The following NKIRAS1 variants were observed in gnomAD, a reference collection of about 807,000 sequenced individuals.
NKIRAS1 encodes NFKB inhibitor interacting Ras like 1, also known as NF-kappa-B inhibitor-interacting Ras-like protein 1.
NKIRAS1 carries 16 observed loss-of-function variants against 19.8 expected under a neutral mutation model. The observed-to-expected ratio is 0.81, with a 90% CI of 0.55 to 1.23. The LOEUF (loss-of-function observed/expected upper bound fraction) is 1.23, where lower values mean the gene tolerates loss of function less well. Among genes scored for constraint, NKIRAS1 ranks in the 50% most tolerant of loss-of-function variants. The probability of loss-of-function intolerance (pLI) is 0.00; values close to 1 mark genes in which losing one functional copy is unlikely to be tolerated. For missense variants in NKIRAS1, 184 were observed against 220.0 expected (o/e 0.84, Z 1.04); for synonymous variants, 88 against 79.0 (o/e 1.11, Z -0.61).
At chr3:23,943,472 C>A (rs1214027683) in intron 1 of NKIRAS1, among the ~76,000 whole-genome samples, 1 of 152,240 alleles carries the variant, frequency 6.6e-6, no homozygotes, top group Non-Finnish European at 1.5e-5. Context: ...CTCAGGTGAT[C>A]CACCCGCCTT....
chr3:23,894,030 G>C (rs1345299090), intron 4 of NKIRAS1, among the ~76,000 whole-genome samples: 1 of 152,140 alleles, frequency 6.6e-6, no homozygotes, highest in African/African-American at 2.4e-5. Context: ...GTATCCATGA[G>C]AACAGGAATT....
chr3:23,913,707 A>T (rs1161865897), intron 1 of NKIRAS1, among the ~76,000 whole-genome samples: 3 of 152,240 alleles, frequency 2.0e-5, no homozygotes, highest in Admixed American at 2.0e-4. Context: ...AATAATTCCC[A>T]AACACAATAA....
chr3:23,942,470 T>A (rs1222314558), intron 1 of NKIRAS1, among the ~76,000 whole-genome samples: 1 of 152,226 alleles, frequency 6.6e-6, no homozygotes, highest in African/African-American at 2.4e-5. Context: ...TTGCTCTTGT[T>A]GCCCAGGCTG....
At chr3:23,918,990 T>C (rs1704898649), upstream of NKIRAS1, 4 of 591,588 alleles carry the variant, frequency 6.8e-6, no homozygotes, top group Non-Finnish European at 1.2e-5. Context: ...GAGGGAATGA[T>C]GTGTTTCAGT....
upstream of NKIRAS1, chr3:23,918,764 A>G (rs1478499026): frequency 2.3e-5 from 16 of 688,564 alleles, no homozygotes; most frequent in Middle Eastern, 3.3e-4. Context: ...GCGTGTGTAT[A>G]TACTGGAAGT....
At chr3:23,941,149 T>C (rs1434070549) in intron 1 of NKIRAS1, among the ~76,000 whole-genome samples, 1 of 152,212 alleles carries the variant, frequency 6.6e-6, no homozygotes, top group East Asian at 1.9e-4. Context: ...CTAGCAGGAC[T>C]CATTGGAACA....
chr3:23,919,541 T>G (rs1323108774), upstream of NKIRAS1: 5 of 1,485,608 alleles, frequency 3.4e-6, no homozygotes, highest in East Asian at 2.4e-5. Flanking sequence ...AATAAACAAT[T>G]TAGGACAGTC....
chr3:23,934,782 T>C (rs1402356221), intron 1 of NKIRAS1, among the ~76,000 whole-genome samples: 2 of 152,064 alleles, frequency 1.3e-5, no homozygotes, highest in Non-Finnish European at 2.9e-5. Context: ...AAAGCCTTTT[T>C]CAGAGGTATT....
intron 3 of NKIRAS1, among the ~76,000 whole-genome samples, chr3:23,902,068 C>T (rs1196514377): frequency 3.3e-5 from 5 of 151,816 alleles, no homozygotes; most frequent in African/African-American, 4.8e-5. Context: ...AGCAAGACTC[C>T]GTCTCAAAAA....
chr3:23,908,499 A>AT (rs1230153103), intron 3 of NKIRAS1, among the ~76,000 whole-genome samples: 2 of 152,230 alleles, frequency 1.3e-5, no homozygotes, highest in Admixed American at 6.5e-5. Context: ...GGCAAGTGTT[A>AT]ATAGATATGA....
upstream of NKIRAS1, chr3:23,918,085 G>A (rs1360084181): frequency 1.0e-5 from 16 of 1,569,480 alleles, no homozygotes; most frequent in Non-Finnish European, 1.3e-5. Context: ...AGAAAAGTTG[G>A]AAACCAGCTG....
intron 1 of NKIRAS1, among the ~76,000 whole-genome samples, chr3:23,936,636 TC>T (rs1705398366): frequency 6.6e-6 from 1 of 152,022 alleles, no homozygotes; most frequent in Non-Finnish European, 1.5e-5. Context: ...AACCTCTACC[TC>T]CTGGGTTCAA....
intron 3 of NKIRAS1, among the ~76,000 whole-genome samples, chr3:23,910,428 T>C (rs1032950504): frequency 1.3e-5 from 2 of 152,204 alleles, no homozygotes; most frequent in Admixed American, 6.5e-5. Flanking sequence ...GTGCTGGAAT[T>C]ACAGGCCTGA....
intron 1 of NKIRAS1, among the ~76,000 whole-genome samples, chr3:23,911,849 G>A (rs1206308393): frequency 2.0e-5 from 3 of 147,602 alleles, no homozygotes; most frequent in Middle Eastern, 3.4e-3. Context: ...TGCAACCTCC[G>A]CTTCCCAAGG....
chr3:23,937,870 T>TAC (rs1705424975), intron 1 of NKIRAS1, among the ~76,000 whole-genome samples: 3 of 152,198 alleles, frequency 2.0e-5, no homozygotes, highest in Non-Finnish European at 4.4e-5. Context: ...CATTATCGTG[T>TAC]AGACTGCATT....
intron 4 of NKIRAS1, among the ~76,000 whole-genome samples, chr3:23,893,722 G>A (rs1248156458): frequency 2.7e-5 from 4 of 149,478 alleles, no homozygotes; most frequent in African/African-American, 4.9e-5. Context: ...GCTGGAACCC[G>A]GGAGGCAGAG....
At chr3:23,921,870 C>A (rs1172670850), upstream of NKIRAS1, 2 of 474,398 alleles carry the variant, frequency 4.2e-6, no homozygotes, top group African/African-American at 4.1e-5. Context: ...CCACCACCCC[C>A]AGCCCAATTT....
At chr3:23,914,191 G>A (rs1238611154) in intron 1 of NKIRAS1, among the ~76,000 whole-genome samples, 2 of 148,916 alleles carry the variant, frequency 1.3e-5, no homozygotes, top group Admixed American at 6.7e-5. Flanking sequence ...AAAAAACAGA[G>A]AGTAAATATA....
At chr3:23,897,990 T>A (rs1373881488) in intron 4 of NKIRAS1, among the ~76,000 whole-genome samples, 3 of 152,220 alleles carry the variant, frequency 2.0e-5, no homozygotes, top group Non-Finnish European at 4.4e-5. Flanking sequence ...GTTACTATTA[T>A]TCTCCTTTTA....
Sources: allele counts gnomAD v4.1 joint callset (sites outside exome capture counted in the v4.1 genomes callset), GRCh38; gene constraint gnomAD v4.1.1; transcripts MANE v1.5; gene names NCBI Gene and HGNC (gene_info 2026-07-23, HGNC 2026-07-21).